The following SPACA7 variants were observed in gnomAD, a reference collection of about 807,000 sequenced individuals.
SPACA7 encodes sperm acrosome-associated protein 7.
Under a neutral mutation model 26.3 loss-of-function variants are expected in SPACA7, and 19 were observed. That is an observed-to-expected ratio of 0.72 (90% CI 0.50 to 1.06). The LOEUF is 1.06. SPACA7 is among the 50% of genes least tolerant of loss of function. The pLI, the probability that SPACA7 is intolerant of heterozygous loss-of-function variation, is 0.00. For synonymous variants in SPACA7, 84 were observed against 84.5 expected (o/e 0.99, Z 0.04); for missense variants, 211 against 229.9 (o/e 0.92, Z 0.53).
At chr13:112,387,583 G>A (rs1884609330) in intron 1 of SPACA7, among the ~76,000 whole-genome samples, 2 of 152,214 alleles carry the variant, frequency 1.3e-5, no homozygotes, top group Admixed American at 1.3e-4. Context: ...GAGAAAGAGA[G>A]AGACCAGAAA....
rs561767541 is a variant in SPACA7, at chr13:112,414,365, G to T, written c.445+13201G>T. Among the ~76,000 whole-genome samples, 14 of 106,014 alleles carry T rather than the reference G, an allele frequency of 1.3e-4. 1 individual carries two copies. In the South Asian group the frequency reaches 4.5e-3, roughly 34 times the overall value. The allele number at this position is 106,014 out of a possible 152,430, so 69.5% of individuals were successfully genotyped here. On this transcript the variant is annotated intron_variant, in intron 5 of 6. Transcript: ENST00000283550. ...ATCTTTCATTAAATTAATCTGATAAGTTTCTGAATGGCTTTTCTGTGTCTT... is the reference window on the plus strand; with the variant it reads ...ATCTTTCATTAAATTAATCTGATAATTTTCTGAATGGCTTTTCTGTGTCTT...
chr13:112,408,762 T>C (rs1886155695), intron 5 of SPACA7, among the ~76,000 whole-genome samples: 1 of 152,064 alleles, frequency 6.6e-6, no homozygotes, highest in African/African-American at 2.4e-5. Context: ...ATAGGAAGAA[T>C]AGATATCATG....
intron 1 of SPACA7, among the ~76,000 whole-genome samples, chr13:112,383,115 GAAAAGA>G (rs373592658): frequency 0.18 from 1,339 of 7,558 alleles, 35 homozygotes; most frequent in Non-Finnish European, 0.25. Context: ...GAAAAGAAAA[GAAAAGA>G]AAAGAAAGAA....
intron 5 of SPACA7, among the ~76,000 whole-genome samples, chr13:112,402,799 G>A (rs1885731347): frequency 6.6e-6 from 1 of 152,056 alleles, no homozygotes; most frequent in African/African-American, 2.4e-5. Context: ...TGATATTAAT[G>A]AGTTTCCTAA....
chr13:112,382,303 G>A, intron 1 of SPACA7: 3 of 817,554 alleles, frequency 3.7e-6, no homozygotes, highest in South Asian at 3.9e-5. Context: ...CCAGACTGGA[G>A]TGCAGAGGCG....
chr13:112,390,612 A>T (rs1241619801), intron 1 of SPACA7, among the ~76,000 whole-genome samples: 2 of 152,232 alleles, frequency 1.3e-5, no homozygotes, highest in Non-Finnish European at 2.9e-5. Flanking sequence ...GGGAGGCCTC[A>T]GGAAACTTAC....
chr13:112,403,702 A>G (rs967117442), intron 5 of SPACA7, among the ~76,000 whole-genome samples: 6 of 152,136 alleles, frequency 3.9e-5, no homozygotes, highest in Admixed American at 1.3e-4. Context: ...GAGTTACTGC[A>G]CTTAGAATAA....
chr13:112,413,025 CT>C (rs1243490063), intron 5 of SPACA7, among the ~76,000 whole-genome samples: 1 of 152,104 alleles, frequency 6.6e-6, no homozygotes, highest in Admixed American at 6.6e-5. Flanking sequence ...CTCAATTTGT[CT>C]TTTTATATTG....
At chr13:112,431,515 A>G (rs1287656087) in intron 5 of SPACA7, among the ~76,000 whole-genome samples, 1 of 152,186 alleles carries the variant, frequency 6.6e-6, no homozygotes, top group African/African-American at 2.4e-5. Context: ...ATTAATGTCA[A>G]CAAGAGACTC....
At position 112,380,339 on chromosome 13, in the gene SPACA7, A is replaced by G. The variant is rs569290887; in HGVS notation, c.94+3860A>G. 2.2e-5 allele frequency among the ~76,000 whole-genome samples: 3 copies of G among 137,118 alleles called. No homozygotes were observed. In the East Asian group the frequency reaches 7.2e-4, roughly 33 times the overall value. The allele number at this position is 137,118 out of a possible 152,430, so 90.0% of individuals were successfully genotyped here. On this transcript the variant is annotated intron_variant, in intron 1 of 6. Transcript: ENST00000283550. ...AGAATCACTTGGACCCAGGAAGTGGAGGTTGCAGTGAGCCAAGATCACGCC... is the reference window on the plus strand; with the variant it reads ...AGAATCACTTGGACCCAGGAAGTGGGGGTTGCAGTGAGCCAAGATCACGCC...
intron 5 of SPACA7, 83 bp from the exon 6 acceptor site, chr13:112,432,361 G>A: frequency 8.7e-7 from 1 of 1,150,384 alleles, no homozygotes; most frequent in Non-Finnish European, 1.3e-6. Context: ...AGCGCTTACG[G>A]CTCCCTGAAG....
intron 5 of SPACA7, among the ~76,000 whole-genome samples, chr13:112,427,227 C>A (rs1165166779): frequency 3.3e-5 from 5 of 152,290 alleles, no homozygotes; most frequent in Non-Finnish European, 7.4e-5. Context: ...CACGGGAACA[C>A]AAAAGCAACG....
intron 1 of SPACA7, among the ~76,000 whole-genome samples, chr13:112,379,819 T>C (rs930065258): frequency 6.6e-6 from 1 of 152,186 alleles, no homozygotes; most frequent in African/African-American, 2.4e-5. Context: ...TTGGATGAAG[T>C]TGTCAAAAAT....
intron 4 of SPACA7, among the ~76,000 whole-genome samples, chr13:112,400,177 G>A (rs1338900118): frequency 6.6e-6 from 1 of 152,168 alleles, no homozygotes; most frequent in Non-Finnish European, 1.5e-5. Context: ...GGTGTGCCAG[G>A]AGCCAAGCAT....
intron 1 of SPACA7, among the ~76,000 whole-genome samples, chr13:112,383,051 G>GAGAGAGAGAGAGAGACA (rs1216665909): frequency 1.0e-4 from 3 of 30,116 alleles, no homozygotes; most frequent in African/African-American, 5.6e-4. Flanking sequence ...AAAGACAGAA[G>GAGAGAGAGAGAGAGACA]GAAAGAAAGA....
intron 5 of SPACA7, among the ~76,000 whole-genome samples, chr13:112,411,075 T>G (rs1302396901): frequency 6.6e-6 from 1 of 152,038 alleles, no homozygotes; most frequent in African/African-American, 2.4e-5. Flanking sequence ...TGACTGGTAA[T>G]TCATCACAAC....
At chr13:112,392,866 C>T (rs982698665) in intron 1 of SPACA7, among the ~76,000 whole-genome samples, 155 bp from the exon 2 acceptor site, 10 of 152,194 alleles carry the variant, frequency 6.6e-5, no homozygotes, top group African/African-American at 2.4e-4. Flanking sequence ...TTCCTGGGGC[C>T]ATCTCTCATC....
intron 5 of SPACA7, among the ~76,000 whole-genome samples, chr13:112,418,367 G>C (rs1488734725): frequency 1.3e-5 from 2 of 152,132 alleles, no homozygotes; most frequent in Admixed American, 1.3e-4. Flanking sequence ...GGGAAGAAAA[G>C]TGTTGCAAAT....
chr13:112,422,403 A>G (rs1383230114), intron 5 of SPACA7, among the ~76,000 whole-genome samples: 1 of 152,234 alleles, frequency 6.6e-6, no homozygotes, highest in Non-Finnish European at 1.5e-5. Context: ...CAGAATAAGG[A>G]CATAAAAGGC....
Sources: gnomAD v4.1 joint callset for allele counts (sites outside exome capture counted in the v4.1 genomes callset) on GRCh38, gnomAD v4.1.1 for gene constraint, MANE v1.5 for transcripts, NCBI Gene and HGNC (gene_info 2026-07-23, HGNC 2026-07-21) for gene names.